Variants in TOX observed in about 807,000 individuals in gnomAD.
The protein encoded by TOX is thymocyte selection associated high mobility group box, also known as thymocyte selection-associated high mobility group box protein TOX.
Under a neutral mutation model 53.7 loss-of-function variants are expected in TOX, and 11 were observed. The observed-to-expected ratio is 0.20, with a 90% confidence interval of 0.13 to 0.34. The LOEUF (loss-of-function observed/expected upper bound fraction) is 0.34. Ranked by LOEUF, TOX falls within the 10% of genes least tolerant of loss-of-function variation. TOX has a pLI of 1.00. For synonymous variants in TOX, 225 were observed against 245.3 expected, an observed-to-expected ratio of 0.92 and a Z score of 0.77; for missense variants, 570 against 664.6, an observed-to-expected ratio of 0.86 and a Z score of 1.56.
intron 1 of TOX, among the ~76,000 whole-genome samples, chr8:59,055,460 AG>A (rs1473825088): frequency 6.6e-6 from 1 of 152,192 alleles, no homozygotes; most frequent in Non-Finnish European, 1.5e-5. Flanking sequence ...GAAACAAGAA[AG>A]GCTGCAGCCA....
chr8:59,117,145 G>A lies in TOX; in HGVS notation c.102+1741C>T, dbSNP rs1217163237. 6.6e-6 allele frequency among the ~76,000 whole-genome samples: 1 copy of A among 152,178 alleles called. No individual in the cohort carries two copies. The highest frequency in any genetic ancestry group is 6.5e-5 in the Admixed American group (1 of 15,284). The stretch of plus-strand genomic sequence containing the variant: ...AAATAGTTCTGAGCTTTTGGTTCCG[G>A]TAACTACAGTGGAATAAGTCTTTAC... On this transcript the variant is annotated intron_variant, in intron 1 of 8. Transcript: ENST00000361421. The surrounding 1 kb of genome is among the most constrained non-coding windows in gnomAD (Gnocchi z 4.6).
At chr8:58,985,856 C>T (rs1813319085) in intron 1 of TOX, among the ~76,000 whole-genome samples, 1 of 152,080 alleles carries the variant, frequency 6.6e-6, no homozygotes, top group Non-Finnish European at 1.5e-5. Flanking sequence ...TGGGCTTTTC[C>T]AGGTATGGAC....
chr8:58,941,260 G>C (rs1305179378), intron 2 of TOX, among the ~76,000 whole-genome samples: 2 of 152,212 alleles, frequency 1.3e-5, no homozygotes, highest in Non-Finnish European at 2.9e-5. Context: ...GCCTAATGGG[G>C]AGGTGGGAGA....
intron 1 of TOX, among the ~76,000 whole-genome samples, chr8:59,105,728 G>A (rs931137498): frequency 4.6e-5 from 7 of 152,096 alleles, no homozygotes; most frequent in African/African-American, 1.7e-4. Flanking sequence ...TGACCCTGGT[G>A]CTAATCTTTT....
At chr8:58,998,520 T>TGTA (rs1563413387) in intron 1 of TOX, among the ~76,000 whole-genome samples, 6 of 119,616 alleles carry the variant, frequency 5.0e-5, no homozygotes, top group East Asian at 2.3e-4. Flanking sequence ...TATATATATA[T>TGTA]ATATATATAT....
chr8:59,058,943 C>T (rs556544521), intron 1 of TOX, among the ~76,000 whole-genome samples: 4 of 152,320 alleles, frequency 2.6e-5, no homozygotes, highest in African/African-American at 9.6e-5. Context: ...TCTTGCACAT[C>T]AAGCACACCC....
intron 3 of TOX, among the ~76,000 whole-genome samples, chr8:58,936,886 A>G (rs941731208): frequency 1.3e-5 from 2 of 152,208 alleles, no homozygotes; most frequent in Non-Finnish European, 2.9e-5. Flanking sequence ...CGGCTACTTA[A>G]CTGTAAAGTA....
intron 1 of TOX, among the ~76,000 whole-genome samples, chr8:58,980,163 C>T (rs1358043861): frequency 6.6e-6 from 1 of 152,136 alleles, no homozygotes; most frequent in Non-Finnish European, 1.5e-5. Context: ...CTTATTAAAT[C>T]AATAGCATTA....
intron 1 of TOX, among the ~76,000 whole-genome samples, chr8:59,011,287 T>C (rs1813898960): frequency 6.6e-6 from 1 of 152,176 alleles, no homozygotes; most frequent in Non-Finnish European, 1.5e-5. Context: ...AAATCCTATT[T>C]ATTTCTACTC....
intron 4 of TOX, among the ~76,000 whole-genome samples, chr8:58,839,327 T>C (rs1305964551): frequency 1.3e-5 from 2 of 152,228 alleles, no homozygotes; most frequent in Non-Finnish European, 2.9e-5. Context: ...TACATATGAC[T>C]AATGGCTACC....
chr8:58,933,650 G>A (rs1046996614), intron 3 of TOX, among the ~76,000 whole-genome samples: 2 of 152,072 alleles, frequency 1.3e-5, no homozygotes, highest in East Asian at 1.9e-4. Context: ...TGACAAACCC[G>A]GTGAGTCTCA....
intron 3 of TOX, among the ~76,000 whole-genome samples, chr8:58,867,500 C>T (rs193085977): frequency 1.4e-3 from 216 of 152,276 alleles, no homozygotes; most frequent in African/African-American, 5.0e-3. Context: ...GAGGCTTTCC[C>T]GGACAAGCCT....
chr8:59,036,924 G>T (rs1280222702), intron 1 of TOX, among the ~76,000 whole-genome samples: 1 of 152,156 alleles, frequency 6.6e-6, no homozygotes, highest in Non-Finnish European at 1.5e-5. Context: ...TAGCCTTCAT[G>T]CATTTCTCCC....
At chr8:58,875,795 A>G (rs1356561884) in intron 3 of TOX, among the ~76,000 whole-genome samples, 1 of 152,226 alleles carries the variant, frequency 6.6e-6, no homozygotes, top group African/African-American at 2.4e-5. Context: ...GGCAATCACA[A>G]ATAGTCTTTA....
intron 1 of TOX, among the ~76,000 whole-genome samples, chr8:58,997,068 G>C (rs1353900555): frequency 6.6e-6 from 1 of 152,172 alleles, no homozygotes; most frequent in Non-Finnish European, 1.5e-5. Flanking sequence ...TAACCTCTCT[G>C]ATAGCACACT....
At chr8:58,984,970 T>C (rs570224996) in intron 1 of TOX, among the ~76,000 whole-genome samples, 1 of 151,198 alleles carries the variant, frequency 6.6e-6, no homozygotes, top group Admixed American at 6.6e-5. Context: ...CCTCTGGGTA[T>C]ATAATCAAAA....
At chr8:58,957,189 A>G (rs1332314721) in intron 2 of TOX, among the ~76,000 whole-genome samples, 6 of 152,232 alleles carry the variant, frequency 3.9e-5, no homozygotes, top group African/African-American at 1.2e-4. Flanking sequence ...GGAAACACAA[A>G]GAAATCTTGA....
At chr8:59,044,300 A>G (rs558058131) in intron 1 of TOX, among the ~76,000 whole-genome samples, 1 of 152,216 alleles carries the variant, frequency 6.6e-6, no homozygotes, top group Non-Finnish European at 1.5e-5. Context: ...CAAAACTGTG[A>G]ATAATTAACA....
Position 58,826,880 on chromosome 8 carries a change from G to T in TOX, c.947C>A (p.Ala316Asp). 1 of 1,611,814 alleles carries T rather than the reference G, an allele frequency of 6.2e-7. No individual in the cohort carries two copies. The highest frequency in any genetic ancestry group is 8.5e-7 in the Non-Finnish European group (1 of 1,179,078). The change falls in exon 6 of 9, where the codon GCT becomes GAT. Residue 316 changes from alanine to aspartate, a missense_variant. By Grantham distance (126) the Ala-to-Asp change is moderately radical. Transcript: ENST00000361421. Reference protein sequence around the residue: ...QKQVYKKKTEAAKKEYLKQLA... With the variant: ...QKQVYKKKTEDAKKEYLKQLA... ...TTGCTTCAGGTACTCCTTCTTCGCA[G>T]CCTCGGTTTTCTTTTTATAGACCTG...
Sources: allele counts gnomAD v4.1 joint callset (sites outside exome capture counted in the v4.1 genomes callset), GRCh38; gene constraint gnomAD v4.1.1; non-coding constraint Gnocchi (gnomAD v3.1); transcripts MANE v1.5; gene names NCBI Gene and HGNC (gene_info 2026-07-23, HGNC 2026-07-21).